MAGI1: variants seen among roughly 807,000 people sequenced by gnomAD.
MAGI1 encodes the protein membrane-associated guanylate kinase, WW and PDZ domain-containing protein 1.
Under a neutral mutation model 139.9 loss-of-function variants are expected in MAGI1, and 58 were observed. The observed-to-expected ratio is 0.41, with a 90% confidence interval of 0.34 to 0.52. MAGI1 has a LOEUF of 0.52. Among genes scored for constraint, MAGI1 ranks in the 20% least tolerant of loss-of-function variants. The pLI is 0.12. For missense variants in MAGI1, 1,874 were observed against 1,901.6 expected, an observed-to-expected ratio of 0.99 and a Z score of 0.27; for synonymous variants, 812 against 737.9, an observed-to-expected ratio of 1.10 and a Z score of -1.63.
At chr3:65,717,049 G>A (rs1435584949) in intron 1 of MAGI1, among the ~76,000 whole-genome samples, 1 of 152,214 alleles carries the variant, frequency 6.6e-6, no homozygotes. Context: ...AAAGGACCTT[G>A]AGATGGAGAG....
intron 1 of MAGI1, among the ~76,000 whole-genome samples, chr3:65,926,903 A>T (rs1448105917): frequency 6.6e-6 from 1 of 152,138 alleles, no homozygotes; most frequent in Non-Finnish European, 1.5e-5. Flanking sequence ...GCTGAGGCAG[A>T]AGAATCACTT....
chr3:65,934,959 T>C (rs961973179), intron 1 of MAGI1, among the ~76,000 whole-genome samples: 7 of 152,114 alleles, frequency 4.6e-5, no homozygotes, highest in African/African-American at 1.2e-4. Context: ...CAGATACCAG[T>C]CCTGCCTTTA....
chr3:65,690,474 TTTTTC>T (rs1340607142), intron 1 of MAGI1, among the ~76,000 whole-genome samples: 1 of 151,996 alleles, frequency 6.6e-6, no homozygotes, highest in African/African-American at 2.4e-5. Flanking sequence ...ATACAACTCT[TTTTTC>T]TTTCTTTTTT....
chr3:65,963,523 G>C (rs1161026810), intron 1 of MAGI1, among the ~76,000 whole-genome samples: 2 of 152,110 alleles, frequency 1.3e-5, no homozygotes, highest in Non-Finnish European at 2.9e-5. Flanking sequence ...AGCTGAGGCA[G>C]GAGAATCACT....
intron 1 of MAGI1, among the ~76,000 whole-genome samples, chr3:65,731,470 C>A (rs182188540): frequency 6.8e-6 from 1 of 147,314 alleles, no homozygotes; most frequent in East Asian, 2.0e-4. Context: ...CTGGGCAACA[C>A]AGTGAAGCCC....
chr3:65,598,955 A>G (rs913523035), intron 2 of MAGI1, among the ~76,000 whole-genome samples: 34 of 152,226 alleles, frequency 2.2e-4, no homozygotes, highest in African/African-American at 7.7e-4. Context: ...CCTTGTAGCA[A>G]GAGAGTGAAT....
At chr3:66,034,389 C>T (rs2068801940) in intron 1 of MAGI1, among the ~76,000 whole-genome samples, 1 of 152,188 alleles carries the variant, frequency 6.6e-6, no homozygotes, top group African/African-American at 2.4e-5. Flanking sequence ...CCCAAATTCT[C>T]TGAACCTCAG....
At chr3:65,700,613 A>G (rs2089529743) in intron 1 of MAGI1, among the ~76,000 whole-genome samples, 2 of 152,182 alleles carry the variant, frequency 1.3e-5, no homozygotes, top group African/African-American at 4.8e-5. Context: ...GGATCTACTT[A>G]TAAATAAAAC....
At chr3:65,938,783 G>A (rs1244873939) in intron 1 of MAGI1, among the ~76,000 whole-genome samples, 1 of 152,148 alleles carries the variant, frequency 6.6e-6, no homozygotes, top group Non-Finnish European at 1.5e-5. Flanking sequence ...AACATTTCCT[G>A]CAATGAGACC....
intron 1 of MAGI1, among the ~76,000 whole-genome samples, chr3:65,625,803 T>C (rs150538677): frequency 1.1e-3 from 169 of 152,284 alleles, no homozygotes; most frequent in Non-Finnish European, 1.4e-3. Context: ...CCTAAGGAGA[T>C]CTGGATGAAA....
chr3:65,969,588 A>T (rs2064926046), intron 1 of MAGI1, among the ~76,000 whole-genome samples: 1 of 152,202 alleles, frequency 6.6e-6, no homozygotes, highest in Non-Finnish European at 1.5e-5. Flanking sequence ...GAATAACTAG[A>T]GCACGCTTGC....
At chr3:65,843,368 A>T (rs970086628) in intron 1 of MAGI1, among the ~76,000 whole-genome samples, 1 of 152,150 alleles carries the variant, frequency 6.6e-6, no homozygotes, top group African/African-American at 2.4e-5. Context: ...CTGCAGCCCA[A>T]CTGACAGTCT....
intron 1 of MAGI1, among the ~76,000 whole-genome samples, chr3:65,977,166 A>C (rs1451200588): frequency 6.6e-6 from 1 of 152,104 alleles, no homozygotes; most frequent in Non-Finnish European, 1.5e-5. Flanking sequence ...GCATCTCAAC[A>C]TTGGAAAGGA....
At chr3:65,885,011 T>G (rs1413302743) in intron 1 of MAGI1, among the ~76,000 whole-genome samples, 1 of 152,186 alleles carries the variant, frequency 6.6e-6, no homozygotes, top group African/African-American at 2.4e-5. Context: ...CATCATTGTT[T>G]ATGAAAGCAC....
At chr3:65,961,161 G>C (rs899198066) in intron 1 of MAGI1, among the ~76,000 whole-genome samples, 2 of 152,210 alleles carry the variant, frequency 1.3e-5, no homozygotes, top group Non-Finnish European at 2.9e-5. Flanking sequence ...TCCATTTGGT[G>C]TACCCCTGCA....
intron 2 of MAGI1, among the ~76,000 whole-genome samples, chr3:65,527,396 A>G (rs9843842): frequency 0.027 from 4,181 of 152,110 alleles, 191 homozygotes; most frequent in African/African-American, 0.093. Flanking sequence ...CCTGGCCAAT[A>G]TGGTGAAACC....
chr3:65,890,805 A>G (rs1228597060), intron 1 of MAGI1, among the ~76,000 whole-genome samples: 2 of 152,244 alleles, frequency 1.3e-5, no homozygotes, highest in East Asian at 1.9e-4. Context: ...AATAAGCTAC[A>G]TTGATTGAAC....
intron 1 of MAGI1, among the ~76,000 whole-genome samples, chr3:65,813,291 T>G (rs776434985): frequency 5.9e-5 from 9 of 152,086 alleles, no homozygotes; most frequent in Non-Finnish European, 1.0e-4. Context: ...CAACTGAGGC[T>G]CCTTTTATTG....
intron 3 of MAGI1, among the ~76,000 whole-genome samples, chr3:65,487,289 A>AT (rs1951695175): frequency 6.6e-6 from 1 of 152,184 alleles, no homozygotes; most frequent in African/African-American, 2.4e-5. Flanking sequence ...GTTTATTTAA[A>AT]TAAAGTGTCT....
Sources: gnomAD v4.1 joint callset for allele counts (sites outside exome capture counted in the v4.1 genomes callset) on GRCh38, gnomAD v4.1.1 for gene constraint, MANE v1.5 for transcripts, NCBI Gene and HGNC (gene_info 2026-07-23, HGNC 2026-07-21) for gene names.